The following SYBU variants were observed in gnomAD, a reference collection of about 807,000 sequenced individuals.
The protein encoded by SYBU is GOLSYN A protein.
In SYBU, 21 loss-of-function variants were observed where a neutral mutation model predicts 35.9. That is an observed-to-expected ratio of 0.58 (90% CI 0.41 to 0.84). The LOEUF (loss-of-function observed/expected upper bound fraction) is 0.84, where lower values mean the gene tolerates loss of function less well. SYBU is among the 40% of genes least tolerant of loss of function. SYBU has a pLI of 0.00. For synonymous variants in SYBU, 319 were observed against 324.3 expected, an observed-to-expected ratio of 0.98 and a Z score of 0.18; for missense variants, 768 against 848.2, an observed-to-expected ratio of 0.91 and a Z score of 1.17.
intron 3 of SYBU, among the ~76,000 whole-genome samples, chr8:109,606,379 T>C (rs2130150544): frequency 1.3e-5 from 2 of 152,310 alleles, no homozygotes; most frequent in African/African-American, 4.8e-5. Flanking sequence ...AGCAGCCTTA[T>C]GTGAGGGGTA....
intron 3 of SYBU, among the ~76,000 whole-genome samples, chr8:109,591,026 G>A (rs74785237): frequency 5.3e-5 from 8 of 152,280 alleles, no homozygotes; most frequent in African/African-American, 1.7e-4. Flanking sequence ...AAACTGTACT[G>A]CTAGGAATTT....
chr8:109,662,523 A>G (rs989425075), intron 1 of SYBU, among the ~76,000 whole-genome samples: 1 of 152,090 alleles, frequency 6.6e-6, no homozygotes, highest in African/African-American at 2.4e-5. Flanking sequence ...CATCTTTCCA[A>G]TGTAGGCTAA....
chr8:109,582,447 G>T (rs1197655740), intron 4 of SYBU, among the ~76,000 whole-genome samples: 3 of 152,182 alleles, frequency 2.0e-5, no homozygotes, highest in African/African-American at 7.2e-5. Context: ...GTCCTCTTCA[G>T]CCCATCCCAG....
In SYBU at chr8:109,644,304, T is replaced by A. The variant is rs1009592572; in HGVS notation, c.24+332A>T. The stretch of plus-strand genomic sequence containing the variant: ...TCACTGACACGCGGGAGTCCTCTTT[T>A]CCCAGTCGCGGATGCATCAAATTCC... On this transcript the variant is annotated intron_variant, in intron 1 of 6. Transcript: ENST00000276646. The A allele has an allele frequency of 5.5e-6, 3 of 542,166 alleles. No individual in the cohort carries two copies. The African/African-American group carries it at 5.7e-5, about 10-fold the overall frequency. 33.6% of individuals were successfully genotyped at this position (542,166 alleles called of 1,614,324 possible).
At chr8:109,618,803 C>T in intron 3 of SYBU, 39 bp downstream of exon 3, 1 of 1,581,266 alleles carries the variant, frequency 6.3e-7, no homozygotes, top group Non-Finnish European at 8.7e-7. Flanking sequence ...ACTCCCATCA[C>T]ATTGTTCTGA....
chr8:109,639,426 G>A (rs979093734), intron 2 of SYBU, among the ~76,000 whole-genome samples: 1 of 152,164 alleles, frequency 6.6e-6, no homozygotes, highest in Non-Finnish European at 1.5e-5. Context: ...TCTCCAGTTT[G>A]CAGTTCTGAA....
chr8:109,636,344 G>A (rs74811905), intron 2 of SYBU, among the ~76,000 whole-genome samples: 1,867 of 152,256 alleles, frequency 0.012, 39 homozygotes, highest in African/African-American at 0.043. Context: ...TGAATGAAAG[G>A]GACTGGGACA....
intron 4 of SYBU, 142 bp from the exon 5 acceptor site, chr8:109,580,144 A>T (rs1822857312): frequency 2.7e-6 from 2 of 735,848 alleles, no homozygotes; most frequent in African/African-American, 3.5e-5. Flanking sequence ...TGTCCTTAGG[A>T]GCGGCCTTCT....
chr8:109,609,485 G>T (rs534218318), intron 3 of SYBU, among the ~76,000 whole-genome samples: 106 of 152,260 alleles, frequency 7.0e-4, no homozygotes, highest in African/African-American at 2.5e-3. Context: ...TCTCAATTCA[G>T]TGACTGAATA....
Position 109,617,082 on chromosome 8 carries a change from G to C in SYBU, c.427+1760C>G, listed in dbSNP as rs144208891. 2.9e-3 allele frequency among the ~76,000 whole-genome samples: 435 copies of C among 152,140 alleles called. 7 individuals carry two copies. The East Asian group carries it at 0.054, about 19-fold the overall frequency. On this transcript the variant is annotated intron_variant, in intron 3 of 6. Coordinates refer to ENST00000276646, the MANE Select transcript of SYBU (RefSeq NM_001099754.2). Reference sequence around the variant, plus strand: ...ACCTTGGAGGTGGAGGTTGCAGTGAGCCAAGATCGCACCACTGCACTCCAG... The same window carrying C: ...ACCTTGGAGGTGGAGGTTGCAGTGACCCAAGATCGCACCACTGCACTCCAG...
intron 3 of SYBU, among the ~76,000 whole-genome samples, chr8:109,595,107 CT>C (rs1824715328): frequency 6.6e-6 from 1 of 152,124 alleles, no homozygotes; most frequent in East Asian, 1.9e-4. Context: ...TACTTTTCTT[CT>C]TATGATTACC....
rs1278646609 is a variant in SYBU, at chr8:109,575,628, C to A, written c.1270G>T (p.Gly424Trp). 8 of 1,614,002 alleles carry A rather than the reference C, an allele frequency of 5.0e-6. No homozygotes were observed. Among genetic ancestry groups the A allele is most frequent in the African/African-American group, 1.3e-5 (1 of 74,904 alleles). Residue 424 changes from glycine to tryptophan, a missense_variant, in exon 7 of 7, where the codon GGG becomes TGG. By Grantham distance (184) the Gly-to-Trp change is radical. Transcript: ENST00000276646. ...CCTACCAGTAGCTCCCTGTCAGCCC[C>A]TTCCCCCGTGACCTGCTCTTCCAGA... ...LSLEEQVTGE[G>W]ADRELLVGDS...
chr8:109,675,380 G>C (rs549383234), intron 1 of SYBU, among the ~76,000 whole-genome samples: 8 of 152,220 alleles, frequency 5.3e-5, no homozygotes, highest in African/African-American at 1.7e-4. Context: ...TAACAAAATA[G>C]ATAGACTGCT....
rs528007758 is a variant in SYBU, at chr8:109,611,177, C to T, written c.427+7665G>A. Among the ~76,000 whole-genome samples, 10 of 152,290 alleles carry T rather than the reference C, an allele frequency of 6.6e-5. 1 individual carries two copies. The South Asian group carries it at 1.7e-3, about 25-fold the overall frequency. ...TCCACTACTTTTGAGAGACCTATAA[C>T]GCTTCCTTCTCAACACATTAGAGTA... On this transcript the variant is annotated intron_variant, in intron 3 of 6. Coordinates refer to ENST00000276646, the MANE Select transcript of SYBU (RefSeq NM_001099754.2).
intron 1 of SYBU, among the ~76,000 whole-genome samples, chr8:109,665,831 G>A (rs1292824436): frequency 6.6e-6 from 1 of 152,170 alleles, no homozygotes; most frequent in Non-Finnish European, 1.5e-5. Flanking sequence ...CATATAACAA[G>A]TGAAGATTTC....
intron 1 of SYBU, among the ~76,000 whole-genome samples, chr8:109,688,661 C>T (rs1817574399): frequency 6.6e-6 from 1 of 150,974 alleles, no homozygotes; most frequent in African/African-American, 2.4e-5. Flanking sequence ...TATCCTATCC[C>T]GTCTATCATG....
At chr8:109,582,080 T>G (rs1201185471) in intron 4 of SYBU, among the ~76,000 whole-genome samples, 2 of 152,122 alleles carry the variant, frequency 1.3e-5, no homozygotes, top group Non-Finnish European at 2.9e-5. Flanking sequence ...TTAATCTGAT[T>G]ATGAGAAATA....
upstream of SYBU, chr8:109,645,039 G>T: frequency 2.0e-6 from 1 of 496,704 alleles, no homozygotes; most frequent in South Asian, 1.7e-5. Flanking sequence ...AGCTCGGCCC[G>T]GTGTAGGCAG....
intron 1 of SYBU, among the ~76,000 whole-genome samples, chr8:109,659,234 T>C (rs1339074344): frequency 6.6e-6 from 1 of 152,184 alleles, no homozygotes; most frequent in Non-Finnish European, 1.5e-5. Flanking sequence ...AAAGACAGTC[T>C]TGCTCCAATT....
Sources: allele counts gnomAD v4.1 joint callset (sites outside exome capture counted in the v4.1 genomes callset), GRCh38; gene constraint gnomAD v4.1.1; transcripts MANE v1.5; gene names NCBI Gene and HGNC (gene_info 2026-07-23, HGNC 2026-07-21).